Variants in KDM5A observed in about 807,000 individuals in gnomAD.
The protein encoded by KDM5A is lysine-specific demethylase 5A.
In KDM5A, 42 loss-of-function variants were observed where a neutral mutation model predicts 193.5. The ratio of observed to expected loss-of-function variants is 0.22; its 90% CI spans 0.17 to 0.28. The LOEUF (loss-of-function observed/expected upper bound fraction) is 0.28. Among genes scored for constraint, KDM5A ranks in the 10% least tolerant of loss-of-function variants. KDM5A has a pLI of 1.00. For synonymous variants in KDM5A, 796 were observed against 718.1 expected (o/e 1.11, Z -1.73); for missense variants, 1,692 against 2,055.1 (o/e 0.82, Z 3.42).
intron 3 of KDM5A, among the ~76,000 whole-genome samples, chr12:377,846 C>T (rs1944526917): frequency 6.6e-6 from 1 of 151,774 alleles, no homozygotes. Flanking sequence ...AAAAAAACAC[C>T]CAGTCAAGAT....
At chr12:287,831 GAA>G (rs1312579056) in intron 27 of KDM5A, among the ~76,000 whole-genome samples, 2 of 152,254 alleles carry the variant, frequency 1.3e-5, no homozygotes, top group African/African-American at 4.8e-5. Context: ...TTGCTACAAA[GAA>G]AAGTGTCCCA....
At chr12:312,941 AAGTT>A in intron 20 of KDM5A, 111 bp downstream of exon 20, 1 of 1,166,086 alleles carries the variant, frequency 8.6e-7, no homozygotes, top group Non-Finnish European at 1.3e-6. Flanking sequence ...AAATCGATCT[AAGTT>A]AGGGATCGTT....
At chr12:334,110 G>A (rs1943896111) in intron 11 of KDM5A, 131 bp downstream of exon 11, 2 of 830,618 alleles carry the variant, frequency 2.4e-6, no homozygotes, top group Non-Finnish European at 3.8e-6. Flanking sequence ...CAAAGAAATA[G>A]GCCAAGGCTA....
At chr12:369,332 G>A (rs1292140868) in intron 3 of KDM5A, among the ~76,000 whole-genome samples, 11 of 152,138 alleles carry the variant, frequency 7.2e-5, no homozygotes, top group Admixed American at 7.2e-4. Context: ...CTTCTATACT[G>A]CCAGCTACTA....
chr12:323,017 AAAAC>A lies in KDM5A; in HGVS notation c.2275+61_2275+64del, dbSNP rs1310352436. The stretch of plus-strand genomic sequence containing the variant: ...TTACGGAAGGAAAAAACATAAAACT[AAAAC>A]AAAGCCTCTTTTAAAGTGACAATCA... On this transcript the variant is annotated intron_variant, in intron 16 of 27. Transcript: ENST00000399788. 6.2e-6 allele frequency: 10 copies of A among 1,605,590 alleles called. No homozygotes were observed. The Admixed American group carries it at 1.2e-4, about 19-fold the overall frequency.
chr12:340,587 A>AG (rs1306389266), intron 10 of KDM5A, among the ~76,000 whole-genome samples: 1 of 146,624 alleles, frequency 6.8e-6, no homozygotes, highest in East Asian at 2.1e-4. Flanking sequence ...CCCAGCTACT[A>AG]GGGAGGCTGA....
rs1229852651 is a variant in KDM5A, at chr12:363,059, C to T, written c.576G>A (p.Val192=). The change falls in exon 5 of 28, where the codon GTG becomes GTA. Residue 192 remains valine (V), a synonymous_variant. Coordinates refer to ENST00000399788, the MANE Select transcript of KDM5A (RefSeq NM_001042603.3). ...TATCAGTGCTGAGAACCTCAGGCTC[C>T]ACTTTTTCTTTAAGATCTAAATTAG... ...QMPNLDLKEK[V]EPEVLSTDTQ... 2 of 1,613,984 alleles carry T rather than the reference C, an allele frequency of 1.2e-6. No homozygotes were observed. Among genetic ancestry groups the T allele is most frequent in the Non-Finnish European group, 1.7e-6 (2 of 1,179,864 alleles).
chr12:351,453 C>A (rs1944157175), intron 9 of KDM5A, among the ~76,000 whole-genome samples: 1 of 152,108 alleles, frequency 6.6e-6, no homozygotes, highest in Non-Finnish European at 1.5e-5. Context: ...TTCATCCAGT[C>A]TATCATTGAT....
rs1045468462 is a variant in KDM5A at position 284,138 on chromosome 12, T to G, written c.*1318A>C. On this transcript the variant is annotated 3_prime_UTR_variant, in exon 28 of 28. Coordinates refer to ENST00000399788, the MANE Select transcript of KDM5A (RefSeq NM_001042603.3). ...ACAAAGAAGGAATGGGATTTTTTTTTTTAAAGCAAAAAAGAAAAAGCAAGC... is the reference window on the plus strand; with the variant it reads ...ACAAAGAAGGAATGGGATTTTTTTTGTTAAAGCAAAAAAGAAAAAGCAAGC... 6 of 231,266 alleles carry G rather than the reference T, an allele frequency of 2.6e-5. No individual in the cohort carries two copies. Among genetic ancestry groups the G allele is most frequent in the African/African-American group, 1.3e-4 (6 of 45,262 alleles). The allele number at this position is 231,266 out of a possible 1,614,324, so 14.3% of individuals were successfully genotyped here.
intron 20 of KDM5A, among the ~76,000 whole-genome samples, chr12:312,183 TAC>T (rs1406921287): frequency 6.6e-6 from 1 of 152,226 alleles, no homozygotes; most frequent in Non-Finnish European, 1.5e-5. Context: ...ATGATTCGAG[TAC>T]ACTTTTATCT....
intron 5 of KDM5A, among the ~76,000 whole-genome samples, chr12:361,596 T>C (rs2267987): frequency 0.071 from 10,750 of 152,206 alleles, 847 homozygotes; most frequent in East Asian, 0.35. Flanking sequence ...AAGCTGGTGA[T>C]TGGTTAGATG....
At chr12:380,142 C>T (rs1944556895) in intron 3 of KDM5A, among the ~76,000 whole-genome samples, 1 of 151,970 alleles carries the variant, frequency 6.6e-6, no homozygotes, top group South Asian at 2.1e-4. Flanking sequence ...GTGGTGTGCG[C>T]CTGTAGTCCC....
At position 307,126 on chromosome 12, in the gene KDM5A, A is replaced by G. The variant is rs374428744; in HGVS notation, c.3931-37T>C. The stretch of plus-strand genomic sequence containing the variant: ...ATAATTCCAAGATGAACAGCAAGAC[A>G]TGCTAAACAGACAGGGTAATTAATG... On this transcript the variant is annotated intron_variant, in intron 23 of 27. Coordinates refer to ENST00000399788, the MANE Select transcript of KDM5A (RefSeq NM_001042603.3). This position sits in a 1 kb window ranked among gnomAD's most constrained non-coding sequence, Gnocchi z 4.3. 7 of 1,613,196 alleles carry G rather than the reference A, an allele frequency of 4.3e-6. No homozygotes were observed. Among genetic ancestry groups the G allele is most frequent in the African/African-American group, 2.7e-5 (2 of 75,044 alleles).
chr12:293,756 G>A (rs1469106930), intron 26 of KDM5A, among the ~76,000 whole-genome samples: 1 of 115,038 alleles, frequency 8.7e-6, no homozygotes, highest in Non-Finnish European at 1.6e-5. Flanking sequence ...TCCAGCCTGA[G>A]CAACAGAGCA....
At chr12:286,271 GAC>G (rs1565521258) in intron 27 of KDM5A, 4 of 462,026 alleles carry the variant, frequency 8.7e-6, no homozygotes, top group Admixed American at 7.5e-5. Context: ...AACAGTCAAA[GAC>G]ACAGGTCAAT....
chr12:312,379 G>T (rs942905700), intron 20 of KDM5A, among the ~76,000 whole-genome samples: 1 of 152,048 alleles, frequency 6.6e-6, no homozygotes, highest in South Asian at 2.1e-4. Flanking sequence ...GAGTACTGTG[G>T]TGCTCAGTAA....
At position 283,317 on chromosome 12, in the gene KDM5A, C is replaced by T. The variant is rs1458723613; in HGVS notation, c.*2139G>A. On this transcript the variant is annotated 3_prime_UTR_variant, in exon 28 of 28. Coordinates refer to ENST00000399788, the MANE Select transcript of KDM5A (RefSeq NM_001042603.3). ...ATTGATAATCGTTAGCTTGGCAAAACGAAAACTTATGAAATCAGTTAATTA... is the reference window on the plus strand; with the variant it reads ...ATTGATAATCGTTAGCTTGGCAAAATGAAAACTTATGAAATCAGTTAATTA... The T allele has an allele frequency of 1.7e-5, 4 of 231,574 alleles. No homozygotes were observed. The highest frequency in any genetic ancestry group is 2.6e-5 in the Non-Finnish European group (3 of 116,876). The allele number at this position is 231,574 out of a possible 1,614,324, so 14.3% of individuals were successfully genotyped here.
intron 10 of KDM5A, among the ~76,000 whole-genome samples, chr12:337,844 T>C (rs1943953408): frequency 6.6e-6 from 1 of 152,140 alleles, no homozygotes; most frequent in Admixed American, 6.6e-5. Flanking sequence ...GGTTTCACCA[T>C]GTTGGCCAGG....
intron 18 of KDM5A, among the ~76,000 whole-genome samples, chr12:320,253 T>C (rs1473726723): frequency 6.6e-6 from 1 of 152,154 alleles, no homozygotes; most frequent in Non-Finnish European, 1.5e-5. Flanking sequence ...TCCCAGCACT[T>C]TGGGAGGCCG....
Sources: gnomAD v4.1 joint callset for allele counts (sites outside exome capture counted in the v4.1 genomes callset) on GRCh38, gnomAD v4.1.1 for gene constraint, Gnocchi (gnomAD v3.1) non-coding constraint, MANE v1.5 for transcripts, NCBI Gene and HGNC (gene_info 2026-07-23, HGNC 2026-07-21) for gene names.